Variants in DDX60L observed in about 807,000 individuals in gnomAD.
DDX60L encodes the protein probable ATP-dependent RNA helicase DDX60-like.
A neutral mutation model predicts 211.6 loss-of-function variants in DDX60L; 191 were observed. The ratio of observed to expected loss-of-function variants is 0.90; its 90% CI spans 0.80 to 1.02. The LOEUF (loss-of-function observed/expected upper bound fraction) is 1.02. DDX60L is among the 50% of genes least tolerant of loss of function. DDX60L has a pLI of 0.00. For synonymous variants in DDX60L, 706 were observed against 694.1 expected (o/e 1.02, Z -0.27); for missense variants, 2,007 against 1,984.1 (o/e 1.01, Z -0.22).
At chr4:168,433,311 T>C (rs1472371923) in intron 10 of DDX60L, among the ~76,000 whole-genome samples, 196 bp from the exon 11 acceptor site, 1 of 152,138 alleles carries the variant, frequency 6.6e-6, no homozygotes, top group African/African-American at 2.4e-5. Flanking sequence ...AATTAGTATA[T>C]AACCATTTAC....
intron 4 of DDX60L, chr4:168,470,229 G>T (rs1758568178): frequency 6.6e-6 from 1 of 152,136 alleles, no homozygotes; most frequent in African/African-American, 2.4e-5. Context: ...AGTGTAAAGG[G>T]GCACAACTAC....
chr4:168,427,511 ATAAATG>A (rs755876120), intron 13 of DDX60L, among the ~76,000 whole-genome samples, 189 bp from the exon 14 acceptor site: 1 of 152,264 alleles, frequency 6.6e-6, no homozygotes, highest in Non-Finnish European at 1.5e-5. Context: ...AAACTTCAGT[ATAAATG>A]TAAATTGCCT....
chr4:168,363,870 AAAAT>A (rs1323211989), intron 36 of DDX60L, among the ~76,000 whole-genome samples: 33 of 152,214 alleles, frequency 2.2e-4, no homozygotes, highest in African/African-American at 8.0e-4. Context: ...AATTACCTCG[AAAAT>A]AAATAAAGTC....
chr4:168,433,170 AT>A, intron 10 of DDX60L, 55 bp from the exon 11 acceptor site: 1 of 1,160,274 alleles, frequency 8.6e-7, no homozygotes, highest in Non-Finnish European at 1.2e-6. Context: ...TCCTATATGA[AT>A]TTTGAACATT....
chr4:168,471,799 T>G lies in DDX60L; in HGVS notation c.212A>C (p.Tyr71Ser), dbSNP rs1271496076. The G allele has an allele frequency of 6.2e-7, 1 of 1,613,026 alleles. No individual in the cohort carries two copies. The highest frequency in any genetic ancestry group is 2.2e-5 in the East Asian group (1 of 44,838). Residue 71 changes from tyrosine (Y) to serine (S), a missense_variant, in exon 4 of 38, where the codon TAT becomes TCT. Tyr to Ser is a moderately radical substitution (Grantham distance 144, BLOSUM62 -2). Transcript: ENST00000682922. ...NLHFFYLVEC[Y>S]LVDLLSNGGQ... is the part of the protein sequence containing the mutation. Reference sequence around the variant, plus strand: ...TCCGTTACTCAGAAGATCCACAAGATAGCATTCAACCAGATAGAAAAAGTG... The same window carrying G: ...TCCGTTACTCAGAAGATCCACAAGAGAGCATTCAACCAGATAGAAAAAGTG...
chr4:168,473,413 G>T lies in DDX60L; in HGVS notation c.-110-604C>A, dbSNP rs888254056. On this transcript the variant is annotated intron_variant, in intron 1 of 37. Coordinates refer to ENST00000682922, the MANE Select transcript of DDX60L (RefSeq NM_001012967.3). ...TGAAATAGTCCTGTAGAAAGATGAT[G>T]GTGGTTTGAGCTAATGTGGTGCTAT... is the stretch of plus-strand genomic sequence containing the variant. Among the ~76,000 whole-genome samples the T allele has an allele frequency of 2.0e-5, 3 of 152,138 alleles. No individual in the cohort carries two copies. In the South Asian group the frequency reaches 6.2e-4, roughly 32 times the overall value.
Position 168,365,663 on chromosome 4 carries a change from A to AT in DDX60L, c.4929-4453dup, listed in dbSNP as rs1246590131. On this transcript the variant is annotated intron_variant, in intron 36 of 37. Transcript: ENST00000682922. ...ATTTAAGAGGAGGGACTACTTCCAA[A>AT]TTTTTTTTACAAGACCAACATTATT... 5.3e-5 allele frequency among the ~76,000 whole-genome samples: 8 copies of AT among 151,998 alleles called. 1 individual carries two copies. In the South Asian group the frequency reaches 8.3e-4, roughly 16 times the overall value.
intron 26 of DDX60L, among the ~76,000 whole-genome samples, chr4:168,400,444 T>A (rs921724503): frequency 6.6e-6 from 1 of 152,156 alleles, no homozygotes; most frequent in African/African-American, 2.4e-5. Context: ...ATCACCACAC[T>A]ATCTTCCACA....
chr4:168,369,097 A>G (rs1263870434), intron 36 of DDX60L, among the ~76,000 whole-genome samples: 1 of 152,160 alleles, frequency 6.6e-6, no homozygotes, highest in Non-Finnish European at 1.5e-5. Context: ...AGGACATGAG[A>G]TTTGGGAGGG....
chr4:168,391,633 A>C lies in DDX60L; in HGVS notation c.3822T>G (p.Ala1274=), dbSNP rs1463070611. ...FVKGLIRVVT[A]TETLALGIHM... Reference sequence around the variant, plus strand: ...GGATCCCTAAGGCAAGTGTTTCAGTAGCTGTCACTACCTAGGAAAAAAAAA... The same window carrying C: ...GGATCCCTAAGGCAAGTGTTTCAGTCGCTGTCACTACCTAGGAAAAAAAAA... The change falls in exon 29 of 38, where the codon GCT becomes GCG. Residue 1274 remains alanine, a synonymous_variant. Transcript: ENST00000682922. 1 of 1,539,540 alleles carries C rather than the reference A, an allele frequency of 6.5e-7. No homozygotes were observed. The highest frequency in any genetic ancestry group is 1.9e-5 in the Admixed American group (1 of 53,302).
intron 1 of DDX60L, chr4:168,475,976 G>A (rs1759430272): frequency 1.4e-5 from 2 of 146,054 alleles, no homozygotes. Flanking sequence ...TCATGTACAA[G>A]CCAGGAAGAG....
intron 30 of DDX60L, among the ~76,000 whole-genome samples, chr4:168,382,529 T>C (rs912889153): frequency 2.0e-5 from 3 of 152,086 alleles, no homozygotes; most frequent in African/African-American, 7.2e-5. Flanking sequence ...ACTGTTTTCC[T>C]CATTTTTATC....
chr4:168,463,701 A>C (rs1213312567), intron 4 of DDX60L, among the ~76,000 whole-genome samples: 1 of 152,194 alleles, frequency 6.6e-6, no homozygotes, highest in Non-Finnish European at 1.5e-5. Flanking sequence ...CACTGCTTTC[A>C]CTTTTAATGG....
At chr4:168,387,977 T>C (rs904473571) in intron 29 of DDX60L, among the ~76,000 whole-genome samples, 11 of 152,164 alleles carry the variant, frequency 7.2e-5, no homozygotes, top group Non-Finnish European at 1.2e-4. Context: ...TGTCCACAGA[T>C]TTTCCATTAT....
rs1181098235 is a variant in DDX60L at position 168,448,751 on chromosome 4, C to CT, written c.1024dup (p.Ser342LysfsTer18). ...CCAGCATCCAAAAACGTTTAAGTTG[C>CT]TTAAAATGAAATATTCACACCACTT... On this transcript the variant is annotated frameshift_variant, in exon 9 of 38. Coordinates refer to ENST00000682922, the MANE Select transcript of DDX60L (RefSeq NM_001012967.3). LOFTEE classifies it high-confidence loss of function. 2 of 1,605,856 alleles carry CT rather than the reference C, an allele frequency of 1.2e-6. No individual in the cohort carries two copies. The highest frequency in any genetic ancestry group is 3.4e-5 in the Admixed American group (2 of 59,320).
chr4:168,473,090 C>G (rs574211846), intron 1 of DDX60L, among the ~76,000 whole-genome samples: 1 of 152,192 alleles, frequency 6.6e-6, no homozygotes, highest in South Asian at 2.1e-4. Flanking sequence ...TCTTGGCAAA[C>G]AGAACAGCAT....
At chr4:168,394,419 A>G in intron 28 of DDX60L, 46 bp downstream of exon 28, 1 of 1,325,206 alleles carries the variant, frequency 7.5e-7, no homozygotes, top group South Asian at 1.4e-5. Context: ...ATTCAGCATC[A>G]TAATATGCAC....
At chr4:168,383,247 GA>G (rs1743269532) in intron 30 of DDX60L, among the ~76,000 whole-genome samples, 1 of 152,054 alleles carries the variant, frequency 6.6e-6, no homozygotes, top group African/African-American at 2.4e-5. Context: ...TAATAATCAA[GA>G]AAATGCAAAG....
intron 9 of DDX60L, among the ~76,000 whole-genome samples, chr4:168,447,596 T>C (rs560412591): frequency 1.8e-4 from 27 of 152,058 alleles, no homozygotes; most frequent in African/African-American, 5.8e-4. Flanking sequence ...ATTGTGGCAT[T>C]ATTCACAATA....
Sources: gnomAD v4.1 joint callset for allele counts (sites outside exome capture counted in the v4.1 genomes callset) on GRCh38, gnomAD v4.1.1 for gene constraint, MANE v1.5 for transcripts, NCBI Gene and HGNC (gene_info 2026-07-23, HGNC 2026-07-21) for gene names.